The following MAMSTR variants were observed in gnomAD, a reference collection of about 807,000 sequenced individuals.
The protein encoded by MAMSTR is MEF2 activating motif and SAP domain containing transcriptional regulator.
In MAMSTR, 41 loss-of-function variants were observed where a neutral mutation model predicts 42.7. That is an observed-to-expected ratio of 0.96 (90% CI 0.75 to 1.25). The LOEUF is 1.25. Among genes scored for constraint, MAMSTR ranks in the 50% most tolerant of loss-of-function variants. The pLI is 0.00. For synonymous variants in MAMSTR, 265 were observed against 244.1 expected (o/e 1.09, Z -0.80); for missense variants, 567 against 557.6 (o/e 1.02, Z -0.17).
Position 48,716,694 on chromosome 19 carries a change from C to G in MAMSTR, c.97+11G>C. ...GGTCACCATCCCCTCCCTTTTGGGG[C>G]CCATACTTACTCTGCTCCTGATTCC... On this transcript the variant is annotated intron_variant, in intron 3 of 9. Coordinates refer to ENST00000318083, the MANE Select transcript of MAMSTR (RefSeq NM_001130915.2). 7.5e-7 allele frequency: 1 copy of G among 1,331,484 alleles called. No individual in the cohort carries two copies. Among genetic ancestry groups the G allele is most frequent in the Non-Finnish European group, 9.7e-7 (1 of 1,031,774 alleles). 82.5% of individuals were successfully genotyped at this position (1,331,484 alleles called of 1,614,324 possible).
chr19:48,713,669 A>G (rs281384), intron 9 of MAMSTR, 47 bp downstream of exon 9: 1,495,136 of 1,611,914 alleles, frequency 0.93, 695,141 homozygotes, highest in Middle Eastern at 0.97. Context: ...GCAGGAGTCC[A>G]GAACCTCAGC....
chr19:48,715,326 A>T lies in MAMSTR; in HGVS notation c.361T>A (p.Ser121Thr). The T allele has an allele frequency of 1.9e-6, 3 of 1,580,368 alleles. No individual in the cohort carries two copies. Among genetic ancestry groups the T allele is most frequent in the Non-Finnish European group, 2.6e-6 (3 of 1,168,676 alleles). The change falls in exon 5 of 10, where the codon TCC (serine) becomes ACC (threonine). Residue 121 changes from serine to threonine, a missense_variant. Coordinates refer to ENST00000318083, the MANE Select transcript of MAMSTR (RefSeq NM_001130915.2). The stretch of plus-strand genomic sequence containing the variant: ...GATGGCCCAGGAGGACCCAGGGCGG[A>T]CCCCTCGGCTTGGGGGTCCGCCCTG... ...GSRADPQAEG[S>T]ALGPPGPSLW...
chr19:48,713,998 C>A lies in MAMSTR; in HGVS notation c.771G>T (p.Ala257=). The stretch of plus-strand genomic sequence containing the variant: ...GAGCCGGAGCCGTCCCCGGGGTATC[C>A]GCGGCACGTGGAAGAGGTGGCCTGT... ...ASHRPPLPRA[A]DTPGTAPAPT... The change falls in exon 8 of 10, where the codon GCG becomes GCT. Residue 257 remains alanine (A), a synonymous_variant. Transcript: ENST00000318083. The A allele has an allele frequency of 6.2e-7, 1 of 1,611,118 alleles. No homozygotes were observed. The highest frequency in any genetic ancestry group is 8.5e-7 in the Non-Finnish European group (1 of 1,178,830).
chr19:48,715,940 G>A, intron 3 of MAMSTR, 173 bp from the exon 4 acceptor site: 1 of 1,402,742 alleles, frequency 7.1e-7, no homozygotes, highest in Non-Finnish European at 9.2e-7. Context: ...GTGTGGGGGG[G>A]CTCCGGTTGC....
At chr19:48,714,705 C>T in intron 6 of MAMSTR, 101 bp downstream of exon 6, 1 of 1,268,990 alleles carries the variant, frequency 7.9e-7, no homozygotes, top group Non-Finnish European at 1.2e-6. Context: ...GGACTGGGTA[C>T]CCGATCTCCT....
At chr19:48,714,660 G>A in intron 6 of MAMSTR, 100 bp from the exon 7 acceptor site, 1 of 1,294,852 alleles carries the variant, frequency 7.7e-7, no homozygotes, top group African/African-American at 1.5e-5. Flanking sequence ...AGGAGGCACT[G>A]GGGGTCCGGA....
At chr19:48,718,380 CTT>C (rs796615883) in intron 2 of MAMSTR, among the ~76,000 whole-genome samples, 8,144 of 94,418 alleles carry the variant, frequency 0.086, 146 homozygotes, top group African/African-American at 0.2. Context: ...TTGCACACTT[CTT>C]TTTTTTTTTT....
chr19:48,712,045 C>T (rs281383), downstream of MAMSTR, among the ~76,000 whole-genome samples: 114,379 of 151,896 alleles, frequency 0.75, 45,018 homozygotes, highest in Middle Eastern at 0.87. Context: ...TGTGAGCCAC[C>T]GTGCCCGGCC....
Position 48,715,700 on chromosome 19 carries a change from C to T in MAMSTR, c.165G>A (p.Thr55=), listed in dbSNP as rs918493061. 1.4e-5 allele frequency: 21 copies of T among 1,539,856 alleles called. No individual in the cohort carries two copies. The highest frequency in any genetic ancestry group is 1.8e-5 in the Non-Finnish European group (21 of 1,144,130). Residue 55 remains threonine, a synonymous_variant, in exon 4 of 10, where the codon ACG becomes ACA. Transcript: ENST00000318083. ...CCCCAGGGCTGAAGAGGAAAGGGGC[C>T]GTGCCCGAGGGCAAGGCCGGGGCCA... ...PPLAPALPSG[T]APFLFSPGVL... is the part of the protein sequence containing the mutation.
At chr19:48,707,819 A>G (rs1170566984), downstream of MAMSTR, among the ~76,000 whole-genome samples, 2 of 144,638 alleles carry the variant, frequency 1.4e-5, no homozygotes, top group Admixed American at 1.4e-4. Flanking sequence ...AAAGAAAGAA[A>G]GAAAGACAAA....
chr19:48,714,382 G>A lies in MAMSTR; in HGVS notation c.707C>T (p.Ala236Val). The A allele has an allele frequency of 2.2e-6, 3 of 1,366,522 alleles. No homozygotes were observed. The highest frequency in any genetic ancestry group is 2.8e-6 in the Non-Finnish European group (3 of 1,066,702). 84.6% of individuals were successfully genotyped at this position (1,366,522 alleles called of 1,614,324 possible). The change falls in exon 7 of 10, where the codon GCC becomes GTC. Residue 236 changes from alanine to valine, a missense_variant. Ala to Val is a moderately conservative substitution (Grantham distance 64). Transcript: ENST00000318083. Reference protein sequence around the residue: ...PRLKPKALAAARRQGSVKPSA... With the variant: ...PRLKPKALAAVRRQGSVKPSA... ...CGCCCTCACCGAGCCCTGACGCCGGGCGGCTGCCAGGGCCTTGGGCTTGAG... is the reference window on the plus strand; with the variant it reads ...CGCCCTCACCGAGCCCTGACGCCGGACGGCTGCCAGGGCCTTGGGCTTGAG...
At position 48,713,884 on chromosome 19, in the gene MAMSTR, C is replaced by A; in HGVS notation, c.885G>T (p.Leu295=). ...CCTGCGCCCTCCGGATCGCTTCCTG[C>A]AGCTCCTCCTCCAGAGTCAGAGCCG... is the stretch of plus-strand genomic sequence containing the variant. ...GSAALTLEEE[L]QEAIRRAQLL... Residue 295 remains leucine (L), a synonymous_variant, in exon 8 of 10, where the codon CTG becomes CTT. Transcript: ENST00000318083. The A allele has an allele frequency of 1.2e-6, 2 of 1,612,072 alleles. No homozygotes were observed. Among genetic ancestry groups the A allele is most frequent in the Non-Finnish European group, 1.7e-6 (2 of 1,178,610 alleles).
rs1465944960 is a variant in MAMSTR at position 48,719,325 on chromosome 19, G to A, written c.-21-273C>T. On this transcript the variant is annotated intron_variant, in intron 1 of 9. Coordinates refer to ENST00000318083, the MANE Select transcript of MAMSTR (RefSeq NM_001130915.2). The surrounding 1 kb of genome is among the most constrained non-coding windows in gnomAD (Gnocchi z 4.4). The stretch of plus-strand genomic sequence containing the variant: ...TCTCAACCCTGGGATCCTGGGAGGG[G>A]AGGGACCTGGAATCTGGGACTCCTG... Among the ~76,000 whole-genome samples the A allele has an allele frequency of 6.6e-6, 1 of 152,082 alleles. No individual in the cohort carries two copies. Among genetic ancestry groups the A allele is most frequent in the Non-Finnish European group, 1.5e-5 (1 of 67,996 alleles).
chr19:48,719,066 G>T lies in MAMSTR; in HGVS notation c.-21-14C>A, dbSNP rs757822537. 5.8e-6 allele frequency: 9 copies of T among 1,544,774 alleles called. No homozygotes were observed. Among genetic ancestry groups the T allele is most frequent in the South Asian group, 2.4e-5 (2 of 83,946 alleles). ...CGGGATGGGGACCTGGACGGAGAGGGGGCAGGGCAGGGGCCCCATAGAGGG... is the reference window on the plus strand; with the variant it reads ...CGGGATGGGGACCTGGACGGAGAGGTGGCAGGGCAGGGGCCCCATAGAGGG... On this transcript the variant is annotated splice_polypyrimidine_tract_variant and intron_variant, in intron 1 of 9. Coordinates refer to ENST00000318083, the MANE Select transcript of MAMSTR (RefSeq NM_001130915.2). The surrounding 1 kb of genome is among the most constrained non-coding windows in gnomAD (Gnocchi z 4.4).
chr19:48,710,443 A>G (rs1359437601), downstream of MAMSTR, among the ~76,000 whole-genome samples: 1 of 129,076 alleles, frequency 7.7e-6, no homozygotes, highest in Admixed American at 8.6e-5. Context: ...TTTTTGAAAC[A>G]CAGGATCTTG....
At chr19:48,711,759 T>TC (rs1555755558), downstream of MAMSTR, among the ~76,000 whole-genome samples, 1 of 143,480 alleles carries the variant, frequency 7.0e-6, no homozygotes, top group Non-Finnish European at 1.5e-5. Context: ...TTTTTTTTTT[T>TC]TTTTGAGACG....
chr19:48,715,472 G>T, intron 4 of MAMSTR, 26 bp from the exon 5 acceptor site: 1 of 1,473,676 alleles, frequency 6.8e-7, no homozygotes, highest in Non-Finnish European at 9.0e-7. Context: ...TGATGTTTTA[G>T]GCTTCAGCGC....
In MAMSTR at chr19:48,714,897, G is replaced by A; in HGVS notation, c.437C>T (p.Ser146Phe). The change falls in exon 6 of 10, where the codon TCT becomes TTT. Residue 146 changes from serine (S) to phenylalanine (F), a missense_variant. Coordinates refer to ENST00000318083, the MANE Select transcript of MAMSTR (RefSeq NM_001130915.2). ...TCCTGGTGGGCAGGGAGTGAGGGGA[G>A]AGGGCTTCATCCTGGTGATAATCGT... ...SQQPHPRMKP[S>F]PLTPCPPGVP... 1 of 1,605,552 alleles carries A rather than the reference G, an allele frequency of 6.2e-7. No homozygotes were observed. The highest frequency in any genetic ancestry group is 8.5e-7 in the Non-Finnish European group (1 of 1,173,680).
At chr19:48,718,443 A>C (rs890167677) in intron 2 of MAMSTR, among the ~76,000 whole-genome samples, 1 of 136,268 alleles carries the variant, frequency 7.3e-6, no homozygotes, top group Non-Finnish European at 1.5e-5. Flanking sequence ...GCTGGAGTGC[A>C]ATGGCGTGAT....
Sources: allele counts gnomAD v4.1 joint callset (sites outside exome capture counted in the v4.1 genomes callset), GRCh38; gene constraint gnomAD v4.1.1; non-coding constraint Gnocchi (gnomAD v3.1); transcripts MANE v1.5; gene names NCBI Gene and HGNC (gene_info 2026-07-23, HGNC 2026-07-21).